The following C7orf78 variants were observed in gnomAD, a reference collection of about 807,000 sequenced individuals.
C7orf78 encodes the protein chromosome 7 open reading frame 78, also known as putative uncharacterized protein C7orf78.
chr7:12,535,478 G>C, the C7orf78 span, among the ~76,000 whole-genome samples: 1 of 152,092 alleles, frequency 6.6e-6, no homozygotes, highest in Non-Finnish European at 1.5e-5. Context: ...GTCCTTCCCA[G>C]AACACATGGG....
At chr7:12,530,445 G>C in the C7orf78 span, 1 of 152,158 alleles carries the variant, frequency 6.6e-6, no homozygotes, top group Non-Finnish European at 1.5e-5. Context: ...GTATTTTGTT[G>C]CTGCAAAGAG....
At chr7:12,536,943 G>A in the C7orf78 span, among the ~76,000 whole-genome samples, 1 of 152,072 alleles carries the variant, frequency 6.6e-6, no homozygotes, top group Non-Finnish European at 1.5e-5. Context: ...CAGCATTTTG[G>A]TCAAAGCCAT....
At chr7:12,537,237 G>A in the C7orf78 span, among the ~76,000 whole-genome samples, 2 of 152,220 alleles carry the variant, frequency 1.3e-5, no homozygotes, top group African/African-American at 4.8e-5. Flanking sequence ...CATGGCGGAA[G>A]GTGAAAGGCA....
At chr7:12,539,408 GA>G in the C7orf78 span, among the ~76,000 whole-genome samples, 1 of 151,910 alleles carries the variant, frequency 6.6e-6, no homozygotes, top group Non-Finnish European at 1.5e-5. Context: ...AGCTTGCAGT[GA>G]ACCGAGATCC....
the C7orf78 span, among the ~76,000 whole-genome samples, chr7:12,517,297 C>T: frequency 1.6e-4 from 25 of 152,186 alleles, no homozygotes; most frequent in African/African-American, 6.0e-4. Flanking sequence ...TGCCTTTCAC[C>T]TCCCACCATG....
the C7orf78 span, chr7:12,506,765 A>T: frequency 9.2e-6 from 3 of 326,166 alleles, no homozygotes; most frequent in African/African-American, 6.8e-5. Context: ...CATTGTGCAC[A>T]TGTACCCTAG....
the C7orf78 span, among the ~76,000 whole-genome samples, chr7:12,508,975 A>G: frequency 6.6e-6 from 1 of 152,192 alleles, no homozygotes; most frequent in African/African-American, 2.4e-5. Context: ...TTATTTCATT[A>G]TACATTGCAA....
At chr7:12,523,355 T>G in the C7orf78 span, 1 of 398,390 alleles carries the variant, frequency 2.5e-6, no homozygotes, top group Non-Finnish European at 4.4e-6. Flanking sequence ...AAAAGCAAAG[T>G]TAATGTTTGT....
the C7orf78 span, among the ~76,000 whole-genome samples, chr7:12,526,895 G>C: frequency 6.6e-6 from 1 of 150,534 alleles, no homozygotes; most frequent in Non-Finnish European, 1.5e-5. Context: ...CACTCACTTT[G>C]GTAGAAAATG....
chr7:12,531,170 T>C, the C7orf78 span: 1 of 397,214 alleles, frequency 2.5e-6, no homozygotes, highest in African/African-American at 2.1e-5. Context: ...CTGTTTTAAA[T>C]AAAACATATT....
the C7orf78 span, among the ~76,000 whole-genome samples, chr7:12,528,656 C>CA: frequency 6.6e-6 from 1 of 152,202 alleles, no homozygotes; most frequent in Non-Finnish European, 1.5e-5. Flanking sequence ...CCACAGGAGA[C>CA]ACTTTAGAAC....
chr7:12,536,139 C>T, the C7orf78 span, among the ~76,000 whole-genome samples: 2 of 152,186 alleles, frequency 1.3e-5, no homozygotes, highest in African/African-American at 2.4e-5. Flanking sequence ...CAGCACATTA[C>T]CTGTCTGTAC....
chr7:12,492,957 C>T, the C7orf78 span, among the ~76,000 whole-genome samples: 2 of 152,284 alleles, frequency 1.3e-5, no homozygotes, highest in Admixed American at 6.5e-5. Flanking sequence ...AATCCCAGCA[C>T]TTTGGGAGGC....
At chr7:12,511,918 A>ATTTT in the C7orf78 span, among the ~76,000 whole-genome samples, 11 of 80,564 alleles carry the variant, frequency 1.4e-4, no homozygotes, top group African/African-American at 2.4e-4. Context: ...CACCTGGCTA[A>ATTTT]TTTTTTTTTT....
At chr7:12,510,006 C>G in the C7orf78 span, among the ~76,000 whole-genome samples, 5 of 148,334 alleles carry the variant, frequency 3.4e-5, no homozygotes, top group African/African-American at 1.3e-4. Flanking sequence ...TGCACTCCAG[C>G]CTGGGCAACA....
At chr7:12,541,254 T>C in the C7orf78 span, 2 of 152,198 alleles carry the variant, frequency 1.3e-5, no homozygotes, top group South Asian at 2.1e-4. Flanking sequence ...GTAAAGCTAA[T>C]GTGAGACAAA....
At chr7:12,499,687 C>A in the C7orf78 span, among the ~76,000 whole-genome samples, 1 of 151,832 alleles carries the variant, frequency 6.6e-6, no homozygotes, top group Admixed American at 6.6e-5. Flanking sequence ...AGAAAGTCAA[C>A]AAGGATACCC....
the C7orf78 span, among the ~76,000 whole-genome samples, chr7:12,516,857 C>G: frequency 6.6e-6 from 1 of 152,148 alleles, no homozygotes; most frequent in African/African-American, 2.4e-5. Context: ...TACCTGTACC[C>G]CCATTGTATC....
the C7orf78 span, among the ~76,000 whole-genome samples, chr7:12,492,224 A>G: frequency 6.6e-6 from 1 of 152,184 alleles, no homozygotes; most frequent in Non-Finnish European, 1.5e-5. Flanking sequence ...TTAAGTAACA[A>G]TACTTGCACT....
Sources: allele counts gnomAD v4.1 joint callset (sites outside exome capture counted in the v4.1 genomes callset), GRCh38; gene constraint gnomAD v4.1.1; transcripts MANE v1.5; gene names NCBI Gene and HGNC (gene_info 2026-07-23, HGNC 2026-07-21).